The following NR1D1 variants were observed in gnomAD, a reference collection of about 807,000 sequenced individuals.
The protein encoded by NR1D1 is nuclear receptor subfamily 1 group D member 1.
In NR1D1, 17 loss-of-function variants were observed where a neutral mutation model predicts 51.1. That is an observed-to-expected ratio of 0.33 (90% confidence interval 0.23 to 0.50). The LOEUF is 0.50. Among genes scored for constraint, NR1D1 ranks in the 20% least tolerant of loss-of-function variants. The pLI is 0.98. For missense variants in NR1D1, 647 were observed against 830.4 expected (o/e 0.78, Z 2.71); for synonymous variants, 341 against 333.4 (o/e 1.02, Z -0.25).
At chr17:40,099,025 G>A (rs1361338365) in intron 1 of NR1D1, among the ~76,000 whole-genome samples, 5 of 151,510 alleles carry the variant, frequency 3.3e-5, no homozygotes, top group Non-Finnish European at 7.4e-5. Flanking sequence ...AGGGGGCCGG[G>A]CAGGCGGACC....
rs1192135338 is a variant in NR1D1 at position 40,093,690 on chromosome 17, T to A, written c.1645+222A>T. 1.6e-6 allele frequency: 1 copy of A among 632,386 alleles called. No individual in the cohort carries two copies. The highest frequency in any genetic ancestry group is 1.8e-5 in the African/African-American group (1 of 54,428). 39.2% of individuals were successfully genotyped at this position (632,386 alleles called of 1,614,324 possible). A position where few individuals can be genotyped will look rare whatever the true frequency, so the allele number is the denominator to read the frequency against. ...CCCCAGCTCCCCCAGGCAGAAATAGTTGTCTGTGCTTCCTTGGTTCATGCT... is the reference window on the plus strand; with the variant it reads ...CCCCAGCTCCCCCAGGCAGAAATAGATGTCTGTGCTTCCTTGGTTCATGCT... On this transcript the variant is annotated intron_variant, in intron 7 of 7. Transcript: ENST00000246672. The surrounding 1 kb of genome is among the most constrained non-coding windows in gnomAD (Gnocchi z 5.9).
At chr17:40,094,896 CAAAAA>C (rs540045515) in intron 6 of NR1D1, 34 bp downstream of exon 6, 20 of 1,594,988 alleles carry the variant, frequency 1.3e-5, no homozygotes, top group Non-Finnish European at 1.5e-5. Context: ...AACTCTGTCT[CAAAAA>C]AAACAAAAAC....
chr17:40,094,801 G>A (rs973438694), intron 6 of NR1D1, 134 bp downstream of exon 6: 45 of 751,534 alleles, frequency 6.0e-5, no homozygotes, highest in East Asian at 5.5e-4. Flanking sequence ...GGAAGGCTGA[G>A]GTAGGAGAAT....
rs2145103340 is a variant in NR1D1 at position 40,097,265 on chromosome 17, G to A, written c.170C>T (p.Thr57Ile). ...GCPTYFPPSP[T>I]GSLTQDPARS... ...AGCCGGGTCTTGGGTGAGGGAGCCA[G>A]TGGGGGATGGTGGGAAGTAGGTGGG... The change falls in exon 2 of 8, where the codon ACT (threonine) becomes ATT (isoleucine). Residue 57 changes from threonine (T) to isoleucine (I), a missense_variant. Physicochemically the swap from Thr to Ile is moderately conservative, Grantham distance 89. Transcript: ENST00000246672. The A allele has an allele frequency of 6.2e-7, 1 of 1,613,174 alleles. No individual in the cohort carries two copies. The highest frequency in any genetic ancestry group is 8.5e-7 in the Non-Finnish European group (1 of 1,179,232).
rs918581757 is a variant in NR1D1 at position 40,093,563 on chromosome 17, T to G, written c.1646-281A>C. 41 of 996,814 alleles carry G rather than the reference T, an allele frequency of 4.1e-5. No individual in the cohort carries two copies. In the Admixed American group the frequency reaches 1.1e-3, roughly 28 times the overall value. The allele number at this position is 996,814 out of a possible 1,614,324, so 61.7% of individuals were successfully genotyped here. On this transcript the variant is annotated intron_variant, in intron 7 of 7. Coordinates refer to ENST00000246672, the MANE Select transcript of NR1D1 (RefSeq NM_021724.5). This position sits in a 1 kb window ranked among gnomAD's most constrained non-coding sequence, Gnocchi z 5.9. ...CCAAACATGGCCAGACTCCCTTGCT[T>G]TTTGCTGTGTAGTTCCCTCTGCCTG...
intron 1 of NR1D1, among the ~76,000 whole-genome samples, chr17:40,098,779 T>C (rs918122375): frequency 2.6e-5 from 4 of 151,992 alleles, no homozygotes; most frequent in Non-Finnish European, 5.9e-5. Context: ...GCTTGTCTGG[T>C]GGAGATGGGG....
rs72836609 is a variant in NR1D1 at position 40,097,355 on chromosome 17, G to A, written c.80C>T (p.Thr27Ile). 2.7e-5 allele frequency: 43 copies of A among 1,613,254 alleles called. No homozygotes were observed. The highest frequency in any genetic ancestry group is 3.6e-5 in the Non-Finnish European group (42 of 1,179,728). The change falls in exon 2 of 8, where the codon ACC becomes ATC. Residue 27 changes from threonine to isoleucine, a missense_variant. Physicochemically the swap from Thr to Ile is moderately conservative, Grantham distance 89 (BLOSUM62 -1). Coordinates refer to ENST00000246672, the MANE Select transcript of NR1D1 (RefSeq NM_021724.5). Reference sequence around the variant, plus strand: ...GTCACTATAGAGGGATTCAGGGCTGGTGCGGCTTGGGGAGGAGCCACTGGA... The same window carrying A: ...GTCACTATAGAGGGATTCAGGGCTGATGCGGCTTGGGGAGGAGCCACTGGA... Reference protein sequence around the residue: ...IGSSGSSPSRTSPESLYSDNS... With the variant: ...IGSSGSSPSRISPESLYSDNS...
rs924764945 is a variant in NR1D1 at position 40,096,176 on chromosome 17, G to C, written c.605-89C>G. 3 of 1,521,822 alleles carry C rather than the reference G, an allele frequency of 2.0e-6. No individual in the cohort carries two copies. In the African/African-American group the frequency reaches 4.1e-5, roughly 21 times the overall value. 94.3% of individuals were successfully genotyped at this position (1,521,822 alleles called of 1,614,324 possible). ...CTTCCTCCTGAAAGGGCAAGGCCCT[G>C]AAGGCTTGGGGTTTCACATCAAAAC... is the stretch of plus-strand genomic sequence containing the variant. On this transcript the variant is annotated intron_variant, in intron 4 of 7. Coordinates refer to ENST00000246672, the MANE Select transcript of NR1D1 (RefSeq NM_021724.5).
rs745811517 is a variant in NR1D1, at chr17:40,095,520, G to C, written c.1172C>G (p.Thr391Ser). 2.5e-6 allele frequency: 4 copies of C among 1,586,194 alleles called. No individual in the cohort carries two copies. The East Asian group carries it at 9.0e-5, about 36-fold the overall frequency. ...SNSNGHRLCPTHVYAAPEGKA... is the reference protein window; with the variant it reads ...SNSNGHRLCPSHVYAAPEGKA... ...GCCTTCTGGGGCTGCATACACGTGG[G>C]TGGGGCATAGACGGTGCCCGTTGCT... is the stretch of plus-strand genomic sequence containing the variant. Residue 391 changes from threonine (T) to serine (S), a missense_variant, in exon 5 of 8, where the codon ACC becomes AGC. By Grantham distance (58) the Thr-to-Ser change is moderately conservative. Transcript: ENST00000246672.
intron 1 of NR1D1, among the ~76,000 whole-genome samples, 155 bp downstream of exon 1, chr17:40,099,909 C>T (rs539040147): frequency 6.6e-6 from 1 of 152,222 alleles, no homozygotes; most frequent in Admixed American, 6.5e-5. Context: ...GAACAAGCCG[C>T]TCTGGAAATC....
In NR1D1 at chr17:40,100,193, G is replaced by C. The variant is rs1987850874; in HGVS notation, c.-99C>G. ...CCCCTGGGCACTGGCTAAGGGCGGG[G>C]AGTGGACCCCGCGACTCACGATCAG... On this transcript the variant is annotated 5_prime_UTR_variant, in exon 1 of 8. Coordinates refer to ENST00000246672, the MANE Select transcript of NR1D1 (RefSeq NM_021724.5). 3 of 928,744 alleles carry C rather than the reference G, an allele frequency of 3.2e-6. No homozygotes were observed. The South Asian group carries it at 3.9e-5, about 12-fold the overall frequency. 57.5% of individuals were successfully genotyped at this position (928,744 alleles called of 1,614,324 possible). A position where few individuals can be genotyped will look rare whatever the true frequency, so the allele number is the denominator to read the frequency against.
chr17:40,096,341 T>G, intron 4 of NR1D1, 102 bp downstream of exon 4: 1 of 1,538,072 alleles, frequency 6.5e-7, no homozygotes, highest in South Asian at 1.1e-5. Context: ...CACATGTGAT[T>G]CACAGTATGA....
chr17:40,095,224 G>A (rs1416401948), intron 5 of NR1D1, 104 bp from the exon 6 acceptor site: 1 of 1,256,298 alleles, frequency 8.0e-7, no homozygotes, highest in African/African-American at 1.5e-5. Flanking sequence ...TAGGGGCTGT[G>A]GCCCTGAAGG....
chr17:40,100,139 A>C lies in NR1D1; in HGVS notation c.-45T>G, dbSNP rs750059227. The stretch of plus-strand genomic sequence containing the variant: ...GGTCATTCAAACTGGACCTTGACTC[A>C]AACTAGAGGTTGCGATCGCCGCTGT... On this transcript the variant is annotated 5_prime_UTR_variant, in exon 1 of 8. Coordinates refer to ENST00000246672, the MANE Select transcript of NR1D1 (RefSeq NM_021724.5). The C allele has an allele frequency of 6.5e-7, 1 of 1,545,982 alleles. No individual in the cohort carries two copies. Among genetic ancestry groups the C allele is most frequent in the Non-Finnish European group, 8.9e-7 (1 of 1,118,134 alleles).
rs1987779296 is a variant in NR1D1 at position 40,097,129 on chromosome 17, A to C, written c.306T>G (p.Ser102Arg). ...SSFYNGSPPG[S>R]LQVAMEDSSR... ...TGCTGTCCTCCATGGCCACTTGTAG[A>C]CTCCCAGGGGGGCTCCCATTATAGA... The change falls in exon 2 of 8, where the codon AGT becomes AGG. Residue 102 changes from serine to arginine, a missense_variant. Coordinates refer to ENST00000246672, the MANE Select transcript of NR1D1 (RefSeq NM_021724.5). 1.2e-5 allele frequency: 19 copies of C among 1,610,264 alleles called. No individual in the cohort carries two copies. The highest frequency in any genetic ancestry group is 1.6e-5 in the Non-Finnish European group (19 of 1,178,108).
At chr17:40,094,853 G>A (rs1194423124) in intron 6 of NR1D1, 82 bp downstream of exon 6, 18 of 1,319,976 alleles carry the variant, frequency 1.4e-5, no homozygotes, top group Non-Finnish European at 1.8e-5. Context: ...AGTGGAGATC[G>A]CACCATTGCA....
At position 40,093,476 on chromosome 17, in the gene NR1D1, C is replaced by T. The variant is rs1173201545; in HGVS notation, c.1646-194G>A. On this transcript the variant is annotated intron_variant, in intron 7 of 7. Transcript: ENST00000246672. The surrounding 1 kb of genome is among the most constrained non-coding windows in gnomAD (Gnocchi z 5.9). ...GCAGGAGGTGCCTGAAAGCTGGGAG[C>T]GTGGGCTCAGCAGGGCTGGTCACCT... 4.7e-6 allele frequency: 7 copies of T among 1,482,984 alleles called. No homozygotes were observed. In the South Asian group the frequency reaches 5.5e-5, roughly 12 times the overall value. The allele number at this position is 1,482,984 out of a possible 1,614,324, so 91.9% of individuals were successfully genotyped here.
rs1314393372 is a variant in NR1D1, at chr17:40,095,528, T to C, written c.1164A>G (p.Leu388=). 6 of 1,598,650 alleles carry C rather than the reference T, an allele frequency of 3.8e-6. No homozygotes were observed. The East Asian group carries it at 8.9e-5, about 24-fold the overall frequency. ...GGGCTGCATACACGTGGGTGGGGCATAGACGGTGCCCGTTGCTGTTGGACT... is the reference window on the plus strand; with the variant it reads ...GGGCTGCATACACGTGGGTGGGGCACAGACGGTGCCCGTTGCTGTTGGACT... The part of the protein sequence containing the change: ...CHQSNSNGHR[L]CPTHVYAAPE... Residue 388 remains leucine, a synonymous_variant, in exon 5 of 8, where the codon CTA becomes CTG. Transcript: ENST00000246672.
chr17:40,094,858 A>G (rs556092597), intron 6 of NR1D1, 77 bp downstream of exon 6: 45 of 1,404,724 alleles, frequency 3.2e-5, no homozygotes, highest in Non-Finnish European at 4.2e-5. Flanking sequence ...AGATCGCACC[A>G]TTGCACTCCA....
Sources: allele counts gnomAD v4.1 joint callset (sites outside exome capture counted in the v4.1 genomes callset), GRCh38; gene constraint gnomAD v4.1.1; non-coding constraint Gnocchi (gnomAD v3.1); transcripts MANE v1.5; gene names NCBI Gene and HGNC (gene_info 2026-07-23, HGNC 2026-07-21).